BBOF1: variants seen among roughly 807,000 people sequenced by gnomAD.
BBOF1 encodes basal body-orientation factor 1.
Under a neutral mutation model 68.0 loss-of-function variants are expected in BBOF1, and 62 were observed. The observed-to-expected ratio is 0.91, with a 90% CI of 0.74 to 1.13. The LOEUF (loss-of-function observed/expected upper bound fraction) is 1.13. Among genes scored for constraint, BBOF1 ranks in the 50% most tolerant of loss-of-function variants. BBOF1 has a pLI of 0.00. For missense variants in BBOF1, 534 were observed against 600.1 expected, an observed-to-expected ratio of 0.89 and a Z score of 1.15; for synonymous variants, 208 against 198.8, an observed-to-expected ratio of 1.05 and a Z score of -0.39.
chr14:74,075,021 T>C, intron 9 of BBOF1: 6 of 1,613,720 alleles, frequency 3.7e-6, no homozygotes, highest in Non-Finnish European at 5.1e-6. Context: ...AAGAAACCTG[T>C]GAGGCAAAAG....
chr14:74,074,584 C>T (rs1228025732), intron 9 of BBOF1, among the ~76,000 whole-genome samples: 1 of 152,038 alleles, frequency 6.6e-6, no homozygotes, highest in African/African-American at 2.4e-5. Flanking sequence ...GGTCTATGAA[C>T]CAAAAAATGG....
At position 74,060,545 on chromosome 14, in the gene BBOF1, A is replaced by G. The variant is rs2060316331; in HGVS notation, c.1578+3287A>G. ...AAGATTTTAGTTACAATGTATTCCA[A>G]TCCCATCGATCTGATCTGAGCAAAG... On this transcript the variant is annotated intron_variant, in intron 11 of 11. Coordinates refer to ENST00000394009, the MANE Select transcript of BBOF1 (RefSeq NM_025057.3). 8.6e-6 allele frequency: 8 copies of G among 928,952 alleles called. No individual in the cohort carries two copies. The South Asian group carries it at 1.1e-4, about 12-fold the overall frequency. The allele number at this position is 928,952 out of a possible 1,614,324, so 57.5% of individuals were successfully genotyped here.
rs1416582216 is a variant in BBOF1 at position 74,071,380 on chromosome 14, A to C, written n.1380-6816A>C. 4 of 1,614,068 alleles carry C rather than the reference A, an allele frequency of 2.5e-6. No individual in the cohort carries two copies. In the African/African-American group the frequency reaches 5.3e-5, roughly 22 times the overall value. On this transcript the variant is annotated intron_variant and non_coding_transcript_variant, in intron 9 of 12. Transcript: ENST00000492026. Reference sequence around the variant, plus strand: ...CATGGCAGGAAAATTGAATGGAGCAATGCCTGCACACACTCCCAGAGGCAG... The same window carrying C: ...CATGGCAGGAAAATTGAATGGAGCACTGCCTGCACACACTCCCAGAGGCAG...
At chr14:74,080,691 C>T (rs2060660918) in intron 10 of BBOF1, among the ~76,000 whole-genome samples, 1 of 152,188 alleles carries the variant, frequency 6.6e-6, no homozygotes, top group Non-Finnish European at 1.5e-5. Context: ...GATCCTCCTG[C>T]CTGGGCCACC....
In BBOF1 at chr14:74,065,226, A is replaced by G. The variant is rs1316878470; in HGVS notation, c.*527A>G. On this transcript the variant is annotated 3_prime_UTR_variant, in exon 12 of 12. Transcript: ENST00000394009. ...GGGCATATTTCCGAGCAGTGGCTCC[A>G]TTGGTGGTGAAGATGGCAGTTCCAT... 1.2e-6 allele frequency: 2 copies of G among 1,614,164 alleles called. No individual in the cohort carries two copies. Among genetic ancestry groups the G allele is most frequent in the South Asian group, 2.2e-5 (2 of 91,084 alleles).
intron 11 of BBOF1, chr14:74,060,007 G>T (rs2060304533): frequency 6.5e-6 from 1 of 154,510 alleles, no homozygotes; most frequent in Non-Finnish European, 1.4e-5. Context: ...AGGGGCTAAA[G>T]AAAACTTTGC....
At chr14:74,044,258 A>AT (rs2059898675) in intron 5 of BBOF1, among the ~76,000 whole-genome samples, 2 of 150,548 alleles carry the variant, frequency 1.3e-5, no homozygotes, top group Non-Finnish European at 2.9e-5. Flanking sequence ...AACAATAATA[A>AT]TAAAATAAAT....
intron 2 of BBOF1, among the ~76,000 whole-genome samples, chr14:74,028,255 G>A (rs1344414752): frequency 6.6e-6 from 1 of 152,046 alleles, no homozygotes; most frequent in African/African-American, 2.4e-5. Context: ...TATAGTCCCA[G>A]GTACTTGGGA....
At chr14:74,079,738 T>A (rs945100074) in intron 10 of BBOF1, among the ~76,000 whole-genome samples, 1 of 152,158 alleles carries the variant, frequency 6.6e-6, no homozygotes, top group Admixed American at 6.5e-5. Flanking sequence ...GGCCTAATTT[T>A]TTGTATTTTT....
rs186378603 is a variant in BBOF1 at position 74,079,520 on chromosome 14, G to A, written n.1536+1168G>A. Among the ~76,000 whole-genome samples, 518 of 149,994 alleles carry A rather than the reference G, an allele frequency of 3.5e-3. 1 individual carries two copies. The highest frequency in any genetic ancestry group is 5.5e-3 in the Non-Finnish European group (371 of 67,686). Reference sequence around the variant, plus strand: ...GCGATCTTGGCTCACCGCAAGCTCCGCCTCCTGGGTTCACACCTTCTCCTG... The same window carrying A: ...GCGATCTTGGCTCACCGCAAGCTCCACCTCCTGGGTTCACACCTTCTCCTG... On this transcript the variant is annotated intron_variant and non_coding_transcript_variant, in intron 10 of 12. Coordinates refer to the BBOF1 transcript ENST00000492026.
At chr14:74,058,572 C>T (rs2060270703) in intron 11 of BBOF1, 1 of 149,902 alleles carries the variant, frequency 6.7e-6, no homozygotes, top group Non-Finnish European at 1.5e-5. Flanking sequence ...CTCAAATCCA[C>T]AGGGTACACA....
chr14:74,049,377 A>AT (rs1187619233), intron 7 of BBOF1, among the ~76,000 whole-genome samples: 1 of 104,250 alleles, frequency 9.6e-6, no homozygotes, highest in Non-Finnish European at 1.9e-5. Flanking sequence ...TTCTGGAATG[A>AT]TTAAAAAAAA....
chr14:74,081,102 T>C (rs1448992119), exon 11 of BBOF1: 1 of 152,210 alleles, frequency 6.6e-6, no homozygotes, highest in Admixed American at 6.5e-5. Context: ...CTCTAGGAAG[T>C]CTCAACCTCA....
chr14:74,043,656 C>A lies in BBOF1; in HGVS notation c.577-2404C>A, dbSNP rs546602727. ...CTCGGCTCACTGCAACCTCTGCCTC[C>A]TGGGTTCAACTGGTTCTCCTGCCTC... On this transcript the variant is annotated intron_variant, in intron 5 of 11. Transcript: ENST00000394009. 1.0e-4 allele frequency among the ~76,000 whole-genome samples: 15 copies of A among 149,182 alleles called. No individual in the cohort carries two copies. The East Asian group carries it at 3.3e-3, about 33-fold the overall frequency.
rs143734422 is a variant in BBOF1 at position 74,041,069 on chromosome 14, G to C, written c.576+424G>C. On this transcript the variant is annotated intron_variant, in intron 5 of 11. Transcript: ENST00000394009. The stretch of plus-strand genomic sequence containing the variant: ...ACGGTGGCTCACGCCTGTAATCCCA[G>C]CACTTTGGGAGGCCGAGGCAGGTGG... Among the ~76,000 whole-genome samples, 294 of 152,288 alleles carry C rather than the reference G, an allele frequency of 1.9e-3. 2 individuals are homozygous for C. The highest frequency in any genetic ancestry group is 6.8e-3 in the African/African-American group (281 of 41,564).
chr14:74,061,488 A>C (rs575658424), intron 11 of BBOF1, among the ~76,000 whole-genome samples: 37 of 151,812 alleles, frequency 2.4e-4, no homozygotes, highest in Admixed American at 9.2e-4. Context: ...TTTAGTAGAG[A>C]AGGGCTAATT....
downstream of BBOF1, among the ~76,000 whole-genome samples, chr14:74,068,013 AAG>A (rs1231225333): frequency 2.0e-5 from 3 of 151,704 alleles, no homozygotes; most frequent in Admixed American, 6.6e-5. Context: ...AAAAAAAAAA[AAG>A]AACTTACAGC....
intron 9 of BBOF1, 29 bp downstream of exon 9, chr14:74,055,714 C>G (rs552235032): frequency 4.7e-6 from 7 of 1,490,598 alleles, no homozygotes; most frequent in Non-Finnish European, 6.5e-6. Context: ...AGTGAAATAC[C>G]AAGTTGTTAT....
chr14:74,078,538 A>AT (rs1434602496), intron 10 of BBOF1, among the ~76,000 whole-genome samples: 2 of 151,192 alleles, frequency 1.3e-5, no homozygotes, highest in African/African-American at 2.4e-5. Flanking sequence ...TTATTATTTT[A>AT]TTTTTTTGAG....
Sources: allele counts gnomAD v4.1 joint callset (sites outside exome capture counted in the v4.1 genomes callset), GRCh38; gene constraint gnomAD v4.1.1; transcripts MANE v1.5; gene names NCBI Gene and HGNC (gene_info 2026-07-23, HGNC 2026-07-21).